Variants in GOLGB1 observed in about 807,000 individuals in gnomAD.
GOLGB1 encodes golgin subfamily B member 1.
In GOLGB1, 174 loss-of-function variants were observed where a neutral mutation model predicts 336.9. That is an observed-to-expected ratio of 0.52 (90% CI 0.46 to 0.59). GOLGB1 has a LOEUF of 0.59. Among genes scored for constraint, GOLGB1 ranks in the 20% least tolerant of loss-of-function variants. GOLGB1 has a pLI of 0.00. For missense variants in GOLGB1, 3,331 were observed against 3,645.3 expected, an observed-to-expected ratio of 0.91 and a Z score of 2.22; for synonymous variants, 1,208 against 1,289.2, an observed-to-expected ratio of 0.94 and a Z score of 1.35.
At chr3:121,731,235 T>C (rs1946091012) in intron 1 of GOLGB1, among the ~76,000 whole-genome samples, 1 of 152,248 alleles carries the variant, frequency 6.6e-6, no homozygotes, top group Middle Eastern at 3.2e-3. Context: ...TGTAAGTACC[T>C]AATCGTTAAA....
chr3:121,692,243 A>C lies in GOLGB1; in HGVS notation c.7121T>G (p.Leu2374Arg). Reference sequence around the variant, plus strand: ...TATTTCTTCATGCAGCCTACTGGTCAGTTCTCTGGAGGCCTGAAGATCAGT... The same window carrying C: ...TATTTCTTCATGCAGCCTACTGGTCCGTTCTCTGGAGGCCTGAAGATCAGT... ...LETDLQASRE[L>R]TSRLHEEINM... The change falls in exon 14 of 22, where the codon CTG becomes CGG. Residue 2374 changes from leucine to arginine, a missense_variant. Physicochemically the swap from Leu to Arg is moderately radical, Grantham distance 102. Transcript: ENST00000614479. 2 of 1,600,558 alleles carry C rather than the reference A, an allele frequency of 1.2e-6. No homozygotes were observed. Among genetic ancestry groups the C allele is most frequent in the Non-Finnish European group, 1.7e-6 (2 of 1,176,304 alleles).
In GOLGB1 at chr3:121,670,759, G is replaced by GC. The variant is rs72048008; in HGVS notation, c.9178-1405_9178-1404insG. ...GAAAATCATAGGGTTTTCTTTTGGG[G>GC]GGGGGGGTGTGGGAGGAGGTGGGAA... On this transcript the variant is annotated intron_variant, in intron 17 of 21. Coordinates refer to ENST00000614479, the MANE Select transcript of GOLGB1 (RefSeq NM_001366282.2). 4.0e-5 allele frequency among the ~76,000 whole-genome samples: 6 copies of GC among 149,842 alleles called. No individual in the cohort carries two copies. The East Asian group carries it at 8.2e-4, about 20-fold the overall frequency.
At chr3:121,693,240 A>C (rs924306284) in intron 13 of GOLGB1, among the ~76,000 whole-genome samples, 5 of 152,158 alleles carry the variant, frequency 3.3e-5, no homozygotes, top group African/African-American at 1.2e-4. Context: ...TAATCCCAGC[A>C]CTTTGGGAGG....
intron 20 of GOLGB1, among the ~76,000 whole-genome samples, chr3:121,665,636 A>T (rs1938508170): frequency 1.3e-5 from 2 of 152,186 alleles, no homozygotes. Flanking sequence ...TAATACTGGA[A>T]CTTCTCCATT....
At chr3:121,670,955 A>G (rs535841930) in intron 17 of GOLGB1, among the ~76,000 whole-genome samples, 1 of 152,340 alleles carries the variant, frequency 6.6e-6, no homozygotes, top group South Asian at 2.1e-4. Context: ...TACCAAAAAC[A>G]AAAACATAGA....
chr3:121,673,980 C>T (rs1333015057), intron 17 of GOLGB1, among the ~76,000 whole-genome samples: 1 of 152,334 alleles, frequency 6.6e-6, no homozygotes, highest in Admixed American at 6.5e-5. Context: ...CTTGGCCTCC[C>T]AAAGTGCAAG....
In GOLGB1 at chr3:121,692,162, T is replaced by C; in HGVS notation, c.7202A>G (p.Gln2401Arg). The C allele has an allele frequency of 6.2e-7, 1 of 1,607,608 alleles. No homozygotes were observed. Among genetic ancestry groups the C allele is most frequent in the Non-Finnish European group, 8.5e-7 (1 of 1,178,328 alleles). Residue 2401 changes from glutamine to arginine, a missense_variant, in exon 14 of 22, where the codon CAA (glutamine) becomes CGA (arginine). Physicochemically the swap from Gln to Arg is conservative, Grantham distance 43 (BLOSUM62 1). Transcript: ENST00000614479. ...CTGACGCAGTTCAGCAATAGCTACT[T>C]GGATTGCCTCTTCCTTGCCAGAAAG... ...SLLSGKEEAI[Q>R]VAIAELRQQH...
At chr3:121,674,388 G>A (rs1415340179) in intron 17 of GOLGB1, among the ~76,000 whole-genome samples, 1 of 151,950 alleles carries the variant, frequency 6.6e-6, no homozygotes, top group Non-Finnish European at 1.5e-5. Context: ...TGTTACCTGT[G>A]GCCTCCCATA....
intron 6 of GOLGB1, among the ~76,000 whole-genome samples, chr3:121,721,728 TG>T (rs1200242231): frequency 2.6e-5 from 4 of 152,042 alleles, no homozygotes; most frequent in South Asian, 2.1e-4. Flanking sequence ...TCTTGACAGA[TG>T]AAAAAAATGG....
chr3:121,664,679 C>G lies in GOLGB1; in HGVS notation c.9661-65G>C, dbSNP rs184203773. On this transcript the variant is annotated intron_variant, in intron 21 of 21. Transcript: ENST00000614479. The stretch of plus-strand genomic sequence containing the variant: ...TAGGGCTATGTTGCTTTCCCTCCTA[C>G]TAGTCTTGCACTTAAGCAAAGCTGA... 8.1e-6 allele frequency: 12 copies of G among 1,484,280 alleles called. No individual in the cohort carries two copies. The South Asian group carries it at 1.2e-4, about 15-fold the overall frequency. The allele number at this position is 1,484,280 out of a possible 1,614,324, so 91.9% of individuals were successfully genotyped here.
At chr3:121,675,924 G>A (rs569479273) in intron 17 of GOLGB1, among the ~76,000 whole-genome samples, 22 of 152,190 alleles carry the variant, frequency 1.4e-4, no homozygotes, top group African/African-American at 5.1e-4. Flanking sequence ...GTTAGTTGAC[G>A]GAAAAAAGAG....
chr3:121,669,067 C>G (rs1456297086), intron 18 of GOLGB1, 145 bp downstream of exon 18: 1 of 736,870 alleles, frequency 1.4e-6, no homozygotes, highest in Non-Finnish European at 2.2e-6. Context: ...GACCTTATTC[C>G]CATCTCAATT....
rs1251628991 is a variant in GOLGB1 at position 121,696,489 on chromosome 3, A to G, written c.4034T>C (p.Phe1345Ser). ...TTTATTTATCTGCTCTTGTAACTGA[A>G]ATACCTCTTCTGATTTTTTAGTAAG... ...SELTKKSEEV[F>S]QLQEQINKQG... is the part of the protein sequence containing the mutation. The change falls in exon 13 of 22, where the codon TTT (phenylalanine) becomes TCT (serine). Residue 1345 changes from phenylalanine (F) to serine (S), a missense_variant. Physicochemically the swap from Phe to Ser is radical, Grantham distance 155. Coordinates refer to ENST00000614479, the MANE Select transcript of GOLGB1 (RefSeq NM_001366282.2). 1 of 1,614,024 alleles carries G rather than the reference A, an allele frequency of 6.2e-7. No homozygotes were observed.
At chr3:121,684,289 G>C (rs951804884) in intron 14 of GOLGB1, among the ~76,000 whole-genome samples, 7 of 132,976 alleles carry the variant, frequency 5.3e-5, no homozygotes, top group Non-Finnish European at 9.7e-5. Context: ...AAAAAAAAAA[G>C]GGAAAAGTTA....
Position 121,679,917 on chromosome 3 carries a change from A to G in GOLGB1, c.8873+1770T>C, listed in dbSNP as rs544045951. On this transcript the variant is annotated intron_variant, in intron 15 of 21. Coordinates refer to ENST00000614479, the MANE Select transcript of GOLGB1 (RefSeq NM_001366282.2). ...CCCTGCAGAGGTGGTATCAGAAGAG[A>G]TCAAGTGGGGATTCTGGACTTTGAG... Among the ~76,000 whole-genome samples the G allele has an allele frequency of 3.3e-5, 5 of 152,298 alleles. No homozygotes were observed. In the East Asian group the frequency reaches 9.6e-4, roughly 29 times the overall value.
chr3:121,745,429 T>C (rs1197115622), intron 1 of GOLGB1, among the ~76,000 whole-genome samples: 15 of 90,814 alleles, frequency 1.7e-4, no homozygotes, highest in Non-Finnish European at 6.4e-5. Context: ...TGTACACGTG[T>C]ATGTATATAT....
chr3:121,725,802 A>C (rs1306793145), intron 5 of GOLGB1, among the ~76,000 whole-genome samples: 1 of 151,992 alleles, frequency 6.6e-6, no homozygotes, highest in African/African-American at 2.4e-5. Context: ...TAGAAGGGGA[A>C]CTGGTAGCTT....
Position 121,697,760 on chromosome 3 carries a change from C to G in GOLGB1, c.2763G>C (p.Gln921His). Residue 921 changes from glutamine to histidine, a missense_variant, in exon 13 of 22, where the codon CAG becomes CAC. Coordinates refer to ENST00000614479, the MANE Select transcript of GOLGB1 (RefSeq NM_001366282.2). The stretch of plus-strand genomic sequence containing the variant: ...CAAGAGAAAACTTCTCTTCATTAAG[C>G]TGAACCATTTTCTCAGTCATACTAA... The part of the protein sequence containing the change: ...ISFSMTEKMV[Q>H]LNEEKFSLGV... 6.2e-7 allele frequency: 1 copy of G among 1,613,962 alleles called. No homozygotes were observed. The highest frequency in any genetic ancestry group is 8.5e-7 in the Non-Finnish European group (1 of 1,179,898).
chr3:121,730,737 T>G, intron 2 of GOLGB1, 139 bp downstream of exon 2: 1 of 776,196 alleles, frequency 1.3e-6, no homozygotes, highest in Non-Finnish European at 1.9e-6. Context: ...GGATCACTTA[T>G]AAAATTTCAA....
Sources: gnomAD v4.1 joint callset for allele counts (sites outside exome capture counted in the v4.1 genomes callset) on GRCh38, gnomAD v4.1.1 for gene constraint, MANE v1.5 for transcripts, NCBI Gene and HGNC (gene_info 2026-07-23, HGNC 2026-07-21) for gene names.